RIMS2: variants seen among roughly 807,000 people sequenced by gnomAD.
The protein encoded by RIMS2 is regulating synaptic membrane exocytosis protein 2.
In RIMS2, 59 loss-of-function variants were observed where a neutral mutation model predicts 174.4. The observed-to-expected ratio is 0.34, with a 90% confidence interval of 0.27 to 0.42. The LOEUF (loss-of-function observed/expected upper bound fraction) is 0.42. Ranked by LOEUF, RIMS2 falls within the 10% of genes least tolerant of loss-of-function variation. The pLI is 1.00. For synonymous variants in RIMS2, 606 were observed against 572.5 expected (o/e 1.06, Z -0.84); for missense variants, 1,620 against 1,666.3 (o/e 0.97, Z 0.48).
intron 19 of RIMS2, among the ~76,000 whole-genome samples, chr8:104,097,523 T>C (rs1308971449): frequency 6.6e-6 from 1 of 151,672 alleles, no homozygotes; most frequent in Non-Finnish European, 1.5e-5. Context: ...TATGACAAAC[T>C]ATTAATACAG....
intron 3 of RIMS2, chr8:103,768,663 G>A (rs1414978064): frequency 8.6e-6 from 7 of 816,838 alleles, no homozygotes; most frequent in Non-Finnish European, 1.5e-5. Flanking sequence ...CTGATACTAC[G>A]ATGCCTCATC....
At chr8:103,835,217 T>C (rs1404457598) in intron 3 of RIMS2, among the ~76,000 whole-genome samples, 4 of 150,572 alleles carry the variant, frequency 2.7e-5, no homozygotes. Context: ...TTCTCCTGCC[T>C]CAGCCTCCCG....
intron 19 of RIMS2, among the ~76,000 whole-genome samples, chr8:104,089,617 C>G (rs1488071034): frequency 2.6e-5 from 4 of 151,544 alleles, no homozygotes; most frequent in Non-Finnish European, 5.9e-5. Flanking sequence ...TGAGCTAATC[C>G]CAGTGGTAAA....
At chr8:104,141,375 G>C (rs1298692006) in intron 19 of RIMS2, among the ~76,000 whole-genome samples, 1 of 152,140 alleles carries the variant, frequency 6.6e-6, no homozygotes, top group Non-Finnish European at 1.5e-5. Flanking sequence ...TAAACTTTTT[G>C]TGTTCAGTTA....
intron 1 of RIMS2, among the ~76,000 whole-genome samples, chr8:103,670,328 G>GGCT (rs1196108616): frequency 6.6e-6 from 1 of 152,210 alleles, no homozygotes; most frequent in East Asian, 1.9e-4. Context: ...TGATGGAAGG[G>GGCT]GCTGCTGCAA....
intron 1 of RIMS2, among the ~76,000 whole-genome samples, chr8:103,529,896 G>C (rs1459718613): frequency 1.3e-5 from 2 of 152,050 alleles, no homozygotes; most frequent in African/African-American, 2.4e-5. Context: ...TTGATCTGTG[G>C]TTGGTTGAAT....
chr8:103,615,923 G>T (rs1427856224), intron 1 of RIMS2, among the ~76,000 whole-genome samples: 1 of 152,104 alleles, frequency 6.6e-6, no homozygotes, highest in African/African-American at 2.4e-5. Flanking sequence ...TGGATTCACA[G>T]CCAAATTCTA....
At chr8:104,062,007 C>G (rs4451279) in intron 19 of RIMS2, among the ~76,000 whole-genome samples, 21 of 151,732 alleles carry the variant, frequency 1.4e-4, no homozygotes, top group African/African-American at 4.8e-4. Flanking sequence ...TCAAAATGAT[C>G]AAAAATATGA....
intron 19 of RIMS2, among the ~76,000 whole-genome samples, chr8:104,124,317 A>C (rs531894822): frequency 6.6e-6 from 1 of 152,236 alleles, no homozygotes; most frequent in East Asian, 1.9e-4. Context: ...TCTGCTTGCC[A>C]GTGGACTTAG....
At chr8:104,100,872 A>G (rs1166659851) in intron 19 of RIMS2, among the ~76,000 whole-genome samples, 2 of 140,988 alleles carry the variant, frequency 1.4e-5, no homozygotes, top group Non-Finnish European at 3.0e-5. Flanking sequence ...TATATTATAT[A>G]TGTAATATAT....
At chr8:103,799,841 TGTA>T (rs1426049023) in intron 3 of RIMS2, among the ~76,000 whole-genome samples, 2 of 152,194 alleles carry the variant, frequency 1.3e-5, no homozygotes, top group Non-Finnish European at 2.9e-5. Flanking sequence ...TTAATGTTGA[TGTA>T]GTTAAATTCA....
chr8:103,982,541 G>T lies in RIMS2; in HGVS notation c.2928-6764G>T, dbSNP rs186686079. On this transcript the variant is annotated intron_variant, in intron 16 of 23. Coordinates refer to ENST00000504942, the Ensembl canonical transcript of RIMS2. ...ACCAAATTCAACAATACATTAAAAA[G>T]GTCGTTCATCAAGACCAAGTAAAAT... Among the ~76,000 whole-genome samples, 324 of 145,056 alleles carry T rather than the reference G, an allele frequency of 2.2e-3. 3 individuals are homozygous for T. The highest frequency in any genetic ancestry group is 7.6e-3 in the African/African-American group (299 of 39,138).
intron 3 of RIMS2, among the ~76,000 whole-genome samples, chr8:103,786,280 C>G (rs1471002725): frequency 3.9e-5 from 6 of 151,970 alleles, no homozygotes; most frequent in Admixed American, 1.3e-4. Flanking sequence ...TTCAGTTCTC[C>G]TCTGATTTTA....
chr8:103,743,393 T>G (rs1002478369), intron 2 of RIMS2, among the ~76,000 whole-genome samples: 1 of 152,200 alleles, frequency 6.6e-6, no homozygotes, highest in Non-Finnish European at 1.5e-5. Flanking sequence ...GCAGTTTCTA[T>G]TCCATTGAGT....
At chr8:104,237,695 A>C (rs1174120918) in intron 19 of RIMS2, among the ~76,000 whole-genome samples, 1 of 152,140 alleles carries the variant, frequency 6.6e-6, no homozygotes, top group Non-Finnish European at 1.5e-5. Flanking sequence ...TAAAGTCCGA[A>C]ACAATTTTGT....
intron 3 of RIMS2, among the ~76,000 whole-genome samples, chr8:103,848,529 T>C (rs1229348026): frequency 6.6e-6 from 1 of 151,988 alleles, no homozygotes; most frequent in Non-Finnish European, 1.5e-5. Flanking sequence ...TATGATTTGG[T>C]GGGTTTCATG....
intron 3 of RIMS2, among the ~76,000 whole-genome samples, chr8:103,810,054 G>C (rs1462303675): frequency 2.4e-4 from 37 of 152,222 alleles, no homozygotes; most frequent in Non-Finnish European, 1.5e-4. Context: ...AATCCCTTAT[G>C]TCCTCTTCTT....
intron 14 of RIMS2, among the ~76,000 whole-genome samples, chr8:103,955,439 G>T (rs2086831133): frequency 6.6e-6 from 1 of 152,232 alleles, no homozygotes; most frequent in South Asian, 2.1e-4. Context: ...TTCAAGGCTG[G>T]TTCAACATAC....
intron 1 of RIMS2, among the ~76,000 whole-genome samples, chr8:103,531,425 A>G (rs993188546): frequency 2.6e-5 from 4 of 152,206 alleles, no homozygotes; most frequent in Non-Finnish European, 5.9e-5. Context: ...AAGAAATCAC[A>G]AGGAAAATTA....
Sources: allele counts gnomAD v4.1 joint callset (sites outside exome capture counted in the v4.1 genomes callset), GRCh38; gene constraint gnomAD v4.1.1; transcripts MANE v1.5; gene names NCBI Gene and HGNC (gene_info 2026-07-23, HGNC 2026-07-21).